ARHGAP20: variants seen among roughly 807,000 people sequenced by gnomAD.
ARHGAP20 encodes the protein rho GTPase-activating protein 20.
ARHGAP20 carries 34 observed loss-of-function variants against 73.7 expected under a neutral mutation model. The ratio of observed to expected loss-of-function variants is 0.46; its 90% CI spans 0.35 to 0.61. The LOEUF (loss-of-function observed/expected upper bound fraction) is 0.61. Ranked by LOEUF, ARHGAP20 falls within the 20% of genes least tolerant of loss-of-function variation. The pLI, the probability that ARHGAP20 is intolerant of heterozygous loss-of-function variation, is 0.00. For missense variants in ARHGAP20, 1,314 were observed against 1,420.9 expected (o/e 0.92, Z 1.21); for synonymous variants, 523 against 518.2 (o/e 1.01, Z -0.13).
chr11:110,678,324 C>T (rs1304436170), intron 2 of ARHGAP20, among the ~76,000 whole-genome samples: 1 of 152,138 alleles, frequency 6.6e-6, no homozygotes, highest in Non-Finnish European at 1.5e-5. Context: ...TAGTAAAAAC[C>T]ACTGAAGTGT....
chr11:110,629,585 T>C (rs1198850435), intron 3 of ARHGAP20, among the ~76,000 whole-genome samples: 2 of 152,228 alleles, frequency 1.3e-5, no homozygotes, highest in Non-Finnish European at 2.9e-5. Context: ...TCTGTAGGCA[T>C]TCCTTCATTC....
At chr11:110,660,069 A>AAAAAGCAAAAC (rs1555097623) in intron 2 of ARHGAP20, among the ~76,000 whole-genome samples, 1 of 146,934 alleles carries the variant, frequency 6.8e-6, no homozygotes, top group Non-Finnish European at 1.5e-5. Flanking sequence ...AACAAAAAAA[A>AAAAAGCAAAAC]AAAAAAAAAG....
chr11:110,710,940 G>A (rs1950637843), intron 1 of ARHGAP20, among the ~76,000 whole-genome samples: 2 of 149,556 alleles, frequency 1.3e-5, no homozygotes, highest in African/African-American at 5.0e-5. Context: ...TTAAGGAAAA[G>A]CTAGAAGATG....
chr11:110,608,336 G>T (rs958308317), intron 8 of ARHGAP20, among the ~76,000 whole-genome samples: 1 of 152,016 alleles, frequency 6.6e-6, no homozygotes, highest in South Asian at 2.1e-4. Context: ...TACTAATCAA[G>T]AAATATTTTT....
chr11:110,666,244 GGATA>G (rs1949721846), intron 2 of ARHGAP20, among the ~76,000 whole-genome samples: 1 of 152,110 alleles, frequency 6.6e-6, no homozygotes. Context: ...CCATGTTCAT[GGATA>G]GAAAGACTCA....
intron 2 of ARHGAP20, among the ~76,000 whole-genome samples, chr11:110,662,466 A>G (rs1273225978): frequency 6.6e-6 from 1 of 151,988 alleles, no homozygotes; most frequent in Non-Finnish European, 1.5e-5. Context: ...ATTAGGATAT[A>G]CCGTAAAGAT....
chr11:110,613,247 G>A (rs560364391), intron 6 of ARHGAP20, among the ~76,000 whole-genome samples: 12 of 152,254 alleles, frequency 7.9e-5, no homozygotes, highest in East Asian at 5.8e-4. Flanking sequence ...TGAAAATGTG[G>A]CAATTTTGTT....
intron 2 of ARHGAP20, among the ~76,000 whole-genome samples, chr11:110,664,953 T>TGC (rs1256941982): frequency 1.3e-5 from 2 of 152,158 alleles, no homozygotes; most frequent in Non-Finnish European, 2.9e-5. Flanking sequence ...CAACGATCTA[T>TGC]AGATTCAGTG....
At chr11:110,672,923 C>T (rs1053820729) in intron 2 of ARHGAP20, among the ~76,000 whole-genome samples, 1 of 152,148 alleles carries the variant, frequency 6.6e-6, no homozygotes, top group African/African-American at 2.4e-5. Flanking sequence ...AAAGATCTCA[C>T]AAATGTTGAT....
chr11:110,684,165 T>A (rs1428373518), intron 2 of ARHGAP20, among the ~76,000 whole-genome samples: 1 of 146,930 alleles, frequency 6.8e-6, no homozygotes, highest in Non-Finnish European at 1.5e-5. Flanking sequence ...TTATGAAGAG[T>A]TAGAGGAGTT....
intron 4 of ARHGAP20, among the ~76,000 whole-genome samples, chr11:110,622,207 C>T (rs1356957335): frequency 6.6e-6 from 1 of 152,182 alleles, no homozygotes; most frequent in Non-Finnish European, 1.5e-5. Context: ...TGTAACTGTA[C>T]CCTGCTCTCA....
chr11:110,584,509 G>A (rs1245901606), intron 12 of ARHGAP20, among the ~76,000 whole-genome samples: 1 of 151,428 alleles, frequency 6.6e-6, no homozygotes, highest in African/African-American at 2.4e-5. Context: ...CCTTTCTTTA[G>A]TACAATGGAC....
At chr11:110,636,857 T>G (rs1374811104) in intron 2 of ARHGAP20, among the ~76,000 whole-genome samples, 2 of 151,766 alleles carry the variant, frequency 1.3e-5, no homozygotes, top group African/African-American at 2.4e-5. Flanking sequence ...GTAGATGTGT[T>G]TATTTTACTC....
At chr11:110,708,194 C>T (rs890841602) in intron 1 of ARHGAP20, among the ~76,000 whole-genome samples, 1 of 152,000 alleles carries the variant, frequency 6.6e-6, no homozygotes, top group African/African-American at 2.4e-5. Flanking sequence ...CAAATCAAAA[C>T]CATTAGATAC....
At chr11:110,662,222 TGAG>T (rs1949629851) in intron 2 of ARHGAP20, among the ~76,000 whole-genome samples, 1 of 151,892 alleles carries the variant, frequency 6.6e-6, no homozygotes, top group South Asian at 2.1e-4. Flanking sequence ...AAAACAGTAT[TGAG>T]GAGACAGAAA....
At chr11:110,594,551 T>G (rs1183377143) in intron 9 of ARHGAP20, among the ~76,000 whole-genome samples, 1 of 152,144 alleles carries the variant, frequency 6.6e-6, no homozygotes, top group African/African-American at 2.4e-5. Flanking sequence ...CAGGTATCCA[T>G]ATATGAAGGA....
chr11:110,679,903 C>A lies in ARHGAP20; in HGVS notation c.188+10644G>T, dbSNP rs112213222. Among the ~76,000 whole-genome samples the A allele has an allele frequency of 7.8e-3, 1,190 of 152,154 alleles. 22 individuals carry two copies. The highest frequency in any genetic ancestry group is 0.027 in the African/African-American group (1,133 of 41,498). On this transcript the variant is annotated intron_variant, in intron 2 of 14. Transcript: ENST00000683387. Reference sequence around the variant, plus strand: ...ATATACATTAAACAGCTGGTCACTCCAGAATGGACATTTCTTTCTGTGGCT... The same window carrying A: ...ATATACATTAAACAGCTGGTCACTCAAGAATGGACATTTCTTTCTGTGGCT...
chr11:110,708,740 G>A (rs1950594292), intron 1 of ARHGAP20, among the ~76,000 whole-genome samples: 1 of 152,138 alleles, frequency 6.6e-6, no homozygotes, highest in Non-Finnish European at 1.5e-5. Context: ...GGGAATTAAG[G>A]AATTAGAAAG....
intron 2 of ARHGAP20, among the ~76,000 whole-genome samples, chr11:110,685,464 C>T (rs1201119363): frequency 1.3e-5 from 2 of 151,162 alleles, no homozygotes; most frequent in African/African-American, 4.9e-5. Context: ...TTAGAGAAAC[C>T]ACCTCCAGCA....
Sources: gnomAD v4.1 joint callset for allele counts (sites outside exome capture counted in the v4.1 genomes callset) on GRCh38, gnomAD v4.1.1 for gene constraint, MANE v1.5 for transcripts, NCBI Gene and HGNC (gene_info 2026-07-23, HGNC 2026-07-21) for gene names.